Variants in DDHD1 observed in about 807,000 individuals in gnomAD.
DDHD1 encodes phospholipase DDHD1.
In DDHD1, 49 loss-of-function variants were observed where a neutral mutation model predicts 96.4. The observed-to-expected ratio is 0.51, with a 90% CI of 0.40 to 0.64. The LOEUF (loss-of-function observed/expected upper bound fraction) is 0.64. Ranked by LOEUF, DDHD1 falls within the 30% of genes least tolerant of loss-of-function variation. The pLI is 0.00. For missense variants in DDHD1, 1,106 were observed against 1,161.2 expected, an observed-to-expected ratio of 0.95 and a Z score of 0.69; for synonymous variants, 442 against 446.5, an observed-to-expected ratio of 0.99 and a Z score of 0.13.
At chr14:53,107,738 CTGAGATCGT>C (rs1256639719) in intron 1 of DDHD1, among the ~76,000 whole-genome samples, 1 of 152,160 alleles carries the variant, frequency 6.6e-6, no homozygotes, top group African/African-American at 2.4e-5. Flanking sequence ...TTGCAGTGAG[CTGAGATCGT>C]GCTGAGAGAC....
At chr14:53,086,849 C>A (rs1886002839) in intron 4 of DDHD1, among the ~76,000 whole-genome samples, 1 of 151,598 alleles carries the variant, frequency 6.6e-6, no homozygotes. Flanking sequence ...TTAAAAGATA[C>A]AGACTGGCAA....
intron 1 of DDHD1, among the ~76,000 whole-genome samples, chr14:53,129,811 A>G (rs570962882): frequency 6.6e-6 from 1 of 152,264 alleles, no homozygotes; most frequent in Non-Finnish European, 1.5e-5. Flanking sequence ...CTTGGCCCCA[A>G]AACAAACTTG....
At chr14:53,087,168 T>G (rs1475297720) in intron 4 of DDHD1, among the ~76,000 whole-genome samples, 3 of 151,944 alleles carry the variant, frequency 2.0e-5, no homozygotes, top group South Asian at 2.1e-4. Flanking sequence ...AGGAAGTCCT[T>G]AGAGACCCTA....
chr14:53,037,920 G>A lies in DDHD1; in HGVS notation c.*8848C>T, dbSNP rs1292472652. On this transcript the variant is annotated 3_prime_UTR_variant, in exon 13 of 13. Transcript: ENST00000673822. ...AATTTTCATATACGGTGAAAGGTGG[G>A]GGGTCCAGTTTCATTCTTCTGCATA... 1 of 151,982 alleles carries A rather than the reference G, an allele frequency of 6.6e-6. No homozygotes were observed. Among genetic ancestry groups the A allele is most frequent in the Non-Finnish European group, 1.5e-5 (1 of 67,972 alleles). 9.4% of individuals were successfully genotyped at this position (151,982 alleles called of 1,614,324 possible).
chr14:53,055,967 A>G (rs1300075388), intron 9 of DDHD1, 55 bp from the exon 10 acceptor site: 1 of 1,487,434 alleles, frequency 6.7e-7, no homozygotes, highest in Non-Finnish European at 9.2e-7. Flanking sequence ...CAATGCTTGG[A>G]TTTTAGTAAA....
intron 1 of DDHD1, among the ~76,000 whole-genome samples, chr14:53,115,548 C>T (rs575991444): frequency 4.3e-4 from 65 of 152,306 alleles, no homozygotes; most frequent in African/African-American, 1.2e-3. Flanking sequence ...ACTTTACAAG[C>T]CAGAAGACAG....
At position 53,046,099 on chromosome 14, in the gene DDHD1, A is replaced by G. The variant is rs1266817542; in HGVS notation, c.*669T>C. ...ATATATTCATCTGAAGAGTACAAAG[A>G]TGGAGTTCTGAGAAAAAAGGGTTTA... On this transcript the variant is annotated 3_prime_UTR_variant, in exon 13 of 13. Coordinates refer to ENST00000673822, the MANE Select transcript of DDHD1 (RefSeq NM_001160148.2). The G allele has an allele frequency of 6.6e-6, 1 of 152,214 alleles. No individual in the cohort carries two copies. Among genetic ancestry groups the G allele is most frequent in the Non-Finnish European group, 1.5e-5 (1 of 68,032 alleles). 9.4% of individuals were successfully genotyped at this position (152,214 alleles called of 1,614,324 possible). A position where few individuals can be genotyped will look rare whatever the true frequency, so the allele number is the denominator to read the frequency against.
rs1370798977 is a variant in DDHD1 at position 53,136,250 on chromosome 14, C to A, written c.838+16011G>T. On this transcript the variant is annotated intron_variant, in intron 1 of 12. Transcript: ENST00000673822. The stretch of plus-strand genomic sequence containing the variant: ...TCTCTTTTCGGACTCAGCCCGCCTG[C>A]ACCCAGGTGAAATAAACAGCCTTGT... 2.6e-5 allele frequency among the ~76,000 whole-genome samples: 4 copies of A among 152,344 alleles called. No homozygotes were observed. The South Asian group carries it at 8.3e-4, about 32-fold the overall frequency.
At chr14:53,120,589 C>A (rs936070995) in intron 1 of DDHD1, among the ~76,000 whole-genome samples, 1 of 152,024 alleles carries the variant, frequency 6.6e-6, no homozygotes, top group Admixed American at 6.6e-5. Context: ...GGTACTAGTA[C>A]CAAAACAAAT....
intron 6 of DDHD1, among the ~76,000 whole-genome samples, chr14:53,071,747 GT>G (rs1884526704): frequency 6.6e-6 from 1 of 152,104 alleles, no homozygotes; most frequent in Non-Finnish European, 1.5e-5. Flanking sequence ...GTTAGCTAGT[GT>G]TTGGCATAGA....
At chr14:53,103,918 C>G in intron 1 of DDHD1, 62 bp from the exon 2 acceptor site, 2 of 1,441,008 alleles carry the variant, frequency 1.4e-6, no homozygotes, top group Non-Finnish European at 1.8e-6. Context: ...AAAAGAGACA[C>G]AGTATCTACA....
intron 4 of DDHD1, among the ~76,000 whole-genome samples, chr14:53,091,312 T>C (rs1203341761): frequency 1.3e-5 from 2 of 152,212 alleles, no homozygotes; most frequent in Non-Finnish European, 2.9e-5. Context: ...GTCTGGTGTG[T>C]TGGTAAATAA....
rs566512064 is a variant in DDHD1 at position 53,043,581 on chromosome 14, A to G, written c.*3187T>C. The stretch of plus-strand genomic sequence containing the variant: ...TAGCTGGGACCACAGGCGTCTGCCA[A>G]CACACCCAGCTAATCTTTGCATTTT... On this transcript the variant is annotated 3_prime_UTR_variant, in exon 13 of 13. Transcript: ENST00000673822. 1 of 152,252 alleles carries G rather than the reference A, an allele frequency of 6.6e-6. No homozygotes were observed. Among genetic ancestry groups the G allele is most frequent in the South Asian group, 2.1e-4 (1 of 4,820 alleles). 9.4% of individuals were successfully genotyped at this position (152,252 alleles called of 1,614,324 possible). A position where few individuals can be genotyped will look rare whatever the true frequency, so the allele number is the denominator to read the frequency against.
Position 53,061,160 on chromosome 14 carries a change from G to A in DDHD1, c.1808C>T (p.Ser603Leu). The A allele has an allele frequency of 6.2e-7, 1 of 1,611,626 alleles. No homozygotes were observed. Among genetic ancestry groups the A allele is most frequent in the East Asian group, 2.2e-5 (1 of 44,744 alleles). Residue 603 changes from serine to leucine, a missense_variant, in exon 8 of 13, where the codon TCA (serine) becomes TTA (leucine). Coordinates refer to ENST00000673822, the MANE Select transcript of DDHD1 (RefSeq NM_001160148.2). ...IEERLHGLKA[S>L]SMTQTPALKF... ...TAAGGCAGGTGTTTGTGTCATAGAT[G>A]ATGCTTTCAATCCGTGAAGCCGTTC...
intron 2 of DDHD1, chr14:53,103,346 TAAC>T (rs944163689): frequency 2.7e-5 from 10 of 366,870 alleles, no homozygotes; most frequent in Admixed American, 2.2e-4. Context: ...TGTCTTGATA[TAAC>T]AACAAGGAAT....
chr14:53,082,481 G>A (rs1181605598), intron 4 of DDHD1, among the ~76,000 whole-genome samples: 21 of 147,850 alleles, frequency 1.4e-4, no homozygotes, highest in Admixed American at 8.8e-4. Flanking sequence ...GAGGTTGGCC[G>A]GGCATGGTGG....
At chr14:53,104,119 A>C (rs904396348) in intron 1 of DDHD1, among the ~76,000 whole-genome samples, 6 of 152,082 alleles carry the variant, frequency 3.9e-5, no homozygotes, top group African/African-American at 1.4e-4. Context: ...ATTCTGGTAG[A>C]GATGTGGTTT....
rs555419959 is a variant in DDHD1, at chr14:53,140,089, A to G, written c.838+12172T>C. On this transcript the variant is annotated intron_variant, in intron 1 of 12. Coordinates refer to ENST00000673822, the MANE Select transcript of DDHD1 (RefSeq NM_001160148.2). ...CTTTGATCAACACAGCTGAGGAAAG[A>G]ATCAGTAAACTTGAAAATAAGTTAA... Among the ~76,000 whole-genome samples, 464 of 152,312 alleles carry G rather than the reference A, an allele frequency of 3.0e-3. 2 individuals are homozygous for G. The highest frequency in any genetic ancestry group is 0.01 in the African/African-American group (430 of 41,580).
chr14:53,126,715 A>G (rs1378829468), intron 1 of DDHD1, among the ~76,000 whole-genome samples: 1 of 152,206 alleles, frequency 6.6e-6, no homozygotes, highest in Non-Finnish European at 1.5e-5. Context: ...ATTTCTCTGG[A>G]AAGCTTTTTA....
Sources: allele counts gnomAD v4.1 joint callset (sites outside exome capture counted in the v4.1 genomes callset), GRCh38; gene constraint gnomAD v4.1.1; transcripts MANE v1.5; gene names NCBI Gene and HGNC (gene_info 2026-07-23, HGNC 2026-07-21).